Variants in SNRPD3 observed in about 807,000 individuals in gnomAD.
SNRPD3 encodes small nuclear ribonucleoprotein D3 polypeptide.
For missense variants in SNRPD3, 73 were observed against 167.5 expected (o/e 0.44, Z 3.11); for synonymous variants, 66 against 58.4 (o/e 1.13, Z -0.59).
intron 2 of SNRPD3, among the ~76,000 whole-genome samples, chr22:24,560,023 A>C (rs1280160473): frequency 6.6e-6 from 1 of 150,786 alleles, no homozygotes; most frequent in Non-Finnish European, 1.5e-5. Flanking sequence ...TCTTATAAGG[A>C]TACCATGCAT....
chr22:24,565,672 G>T (rs946153155), intron 2 of SNRPD3, among the ~76,000 whole-genome samples: 5 of 151,932 alleles, frequency 3.3e-5, no homozygotes, highest in African/African-American at 1.2e-4. Context: ...TTTGTTTTTT[G>T]TTTTTTGAGA....
At position 24,572,167 on chromosome 22, in the gene SNRPD3, A is replaced by G; in HGVS notation, c.*190A>G. On this transcript the variant is annotated 3_prime_UTR_variant, in exon 4 of 4. Coordinates refer to ENST00000215829, the MANE Select transcript of SNRPD3 (RefSeq NM_004175.5). ...TTTTGTTTTCTTTGAGAAAATAAGG[A>G]CTTTGTGTTCATTTGAAGTTTGCTT... 8.5e-7 allele frequency: 1 copy of G among 1,171,870 alleles called. No homozygotes were observed. The highest frequency in any genetic ancestry group is 1.6e-5 in the African/African-American group (1 of 64,370). 72.6% of individuals were successfully genotyped at this position (1,171,870 alleles called of 1,614,324 possible). A position where few individuals can be genotyped will look rare whatever the true frequency, so the allele number is the denominator to read the frequency against.
At chr22:24,562,500 C>T (rs949916043) in intron 2 of SNRPD3, among the ~76,000 whole-genome samples, 8 of 151,556 alleles carry the variant, frequency 5.3e-5, no homozygotes, top group African/African-American at 9.7e-5. Context: ...GCCAAGATCG[C>T]GCCACTGCAC....
chr22:24,556,019 C>T lies in SNRPD3; in HGVS notation c.-71C>T. The T allele has an allele frequency of 1.6e-6, 1 of 632,238 alleles. No homozygotes were observed. The highest frequency in any genetic ancestry group is 2.7e-6 in the Non-Finnish European group (1 of 364,366). The allele number at this position is 632,238 out of a possible 1,614,324, so 39.2% of individuals were successfully genotyped here. ...CCGCCATTCGCTTGACTCACGCCTT[C>T]GCCGTAGCATCTTTCGCAGCGGACC... On this transcript the variant is annotated 5_prime_UTR_variant, in exon 1 of 4. Transcript: ENST00000215829.
At position 24,568,549 on chromosome 22, in the gene SNRPD3, A is replaced by T. The variant is rs193211466; in HGVS notation, c.319+373A>T. Reference sequence around the variant, plus strand: ...TTATTTTTATTTTTATTTTATTTTTAATTTTTTTTAATTTTTTTATTTTTT... The same window carrying T: ...TTATTTTTATTTTTATTTTATTTTTTATTTTTTTTAATTTTTTTATTTTTT... On this transcript the variant is annotated intron_variant, in intron 3 of 3. Coordinates refer to ENST00000215829, the MANE Select transcript of SNRPD3 (RefSeq NM_004175.5). Among the ~76,000 whole-genome samples the T allele has an allele frequency of 1.1e-3, 157 of 146,556 alleles. 2 individuals are homozygous for T. Among genetic ancestry groups the T allele is most frequent in the African/African-American group, 3.8e-3 (149 of 39,700 alleles).
intron 1 of SNRPD3, among the ~76,000 whole-genome samples, chr22:24,557,454 C>T (rs2045087152): frequency 6.6e-6 from 1 of 151,700 alleles, no homozygotes; most frequent in African/African-American, 2.4e-5. Context: ...ATCATTCCTC[C>T]TCACCCCACA....
At chr22:24,568,553 T>A (rs1392274160) in intron 3 of SNRPD3, among the ~76,000 whole-genome samples, 1 of 151,110 alleles carries the variant, frequency 6.6e-6, no homozygotes, top group Non-Finnish European at 1.5e-5. Context: ...ATTTTTAATT[T>A]TTTTTAATTT....
chr22:24,560,582 C>G (rs1429054764), intron 2 of SNRPD3, among the ~76,000 whole-genome samples: 1 of 149,784 alleles, frequency 6.7e-6, no homozygotes, highest in Non-Finnish European at 1.5e-5. Context: ...GTAGCTGGGA[C>G]TATGCCCAGC....
rs201697520 is a variant in SNRPD3 at position 24,557,638 on chromosome 22, G to A, written c.-18-19G>A. On this transcript the variant is annotated intron_variant, in intron 1 of 3. Coordinates refer to ENST00000215829, the MANE Select transcript of SNRPD3 (RefSeq NM_004175.5). Reference sequence around the variant, plus strand: ...TCAGACTCTGAAAGATGAACTGACTGTTGTCTCTCTCATTGTAGAACTCTC... The same window carrying A: ...TCAGACTCTGAAAGATGAACTGACTATTGTCTCTCTCATTGTAGAACTCTC... 4.4e-5 allele frequency: 71 copies of A among 1,596,876 alleles called. No individual in the cohort carries two copies. The Admixed American group carries it at 1.2e-3, about 27-fold the overall frequency.
rs1485029639 is a variant in SNRPD3 at position 24,573,648 on chromosome 22, G to T, written c.*1671G>T. Among the ~76,000 whole-genome samples, 1 of 152,220 alleles carries T rather than the reference G, an allele frequency of 6.6e-6. No individual in the cohort carries two copies. The highest frequency in any genetic ancestry group is 2.4e-5 in the African/African-American group (1 of 41,458). ...CCAGCACTTTGGGAGGTCGAGGCGG[G>T]AGGATCACTTGAACCTAGGAGTTTG... On this transcript the variant is annotated 3_prime_UTR_variant, in exon 4 of 4. Coordinates refer to ENST00000215829, the MANE Select transcript of SNRPD3 (RefSeq NM_004175.5).
In SNRPD3 at chr22:24,573,301, T is replaced by G. The variant is rs1264510092; in HGVS notation, c.*1324T>G. 6.6e-6 allele frequency among the ~76,000 whole-genome samples: 1 copy of G among 152,006 alleles called. No homozygotes were observed. The highest frequency in any genetic ancestry group is 1.9e-4 in the East Asian group (1 of 5,186). ...GGAAAAGCAGCCTGAAAAAATCAAA[T>G]CACCAAAAAGAGGTCTTGCCAGGTA... is the stretch of plus-strand genomic sequence containing the variant. On this transcript the variant is annotated 3_prime_UTR_variant, in exon 4 of 4. Transcript: ENST00000215829.
upstream of SNRPD3, chr22:24,555,777 C>A: frequency 6.5e-7 from 1 of 1,550,186 alleles, no homozygotes; most frequent in African/African-American, 1.4e-5. Context: ...CCCTCTCTGG[C>A]TCTTTGCCGG....
chr22:24,572,329 G>A lies in SNRPD3; in HGVS notation c.*352G>A. 1.7e-6 allele frequency: 1 copy of A among 588,132 alleles called. No individual in the cohort carries two copies. The highest frequency in any genetic ancestry group is 1.9e-5 in the African/African-American group (1 of 53,824). The allele number at this position is 588,132 out of a possible 1,614,324, so 36.4% of individuals were successfully genotyped here. A position where few individuals can be genotyped will look rare whatever the true frequency, so the allele number is the denominator to read the frequency against. ...CCCCAGAAAAGTTCACCTTGGAGAA[G>A]CTCCGAGAACACACAGATTGTGTCT... On this transcript the variant is annotated 3_prime_UTR_variant, in exon 4 of 4. Transcript: ENST00000215829.
At position 24,574,943 on chromosome 22, in the gene SNRPD3, T is replaced by C. The variant is rs1195369433; in HGVS notation, c.*2966T>C. Among the ~76,000 whole-genome samples the C allele has an allele frequency of 6.6e-6, 1 of 152,198 alleles. No homozygotes were observed. The highest frequency in any genetic ancestry group is 1.5e-5 in the Non-Finnish European group (1 of 68,032). ...TTAGATCATATTCAGTGTCAAATTATTAAGATGTGATTAAACTTTTTAAAA... is the reference window on the plus strand; with the variant it reads ...TTAGATCATATTCAGTGTCAAATTACTAAGATGTGATTAAACTTTTTAAAA... On this transcript the variant is annotated 3_prime_UTR_variant, in exon 4 of 4. Coordinates refer to ENST00000215829, the MANE Select transcript of SNRPD3 (RefSeq NM_004175.5).
chr22:24,567,949 G>C (rs776367128), intron 2 of SNRPD3, 35 bp from the exon 3 acceptor site: 1 of 1,542,934 alleles, frequency 6.5e-7, no homozygotes, highest in South Asian at 1.2e-5. Flanking sequence ...TGGTGCTGTT[G>C]ACCGTTAACT....
chr22:24,562,161 G>A (rs2045149742), intron 2 of SNRPD3, among the ~76,000 whole-genome samples: 1 of 152,178 alleles, frequency 6.6e-6, no homozygotes, highest in Admixed American at 6.5e-5. Flanking sequence ...GCCCTGTTTT[G>A]GGGTTTTAGT....
chr22:24,572,585 A>G lies in SNRPD3; in HGVS notation c.*608A>G. On this transcript the variant is annotated 3_prime_UTR_variant, in exon 4 of 4. Coordinates refer to ENST00000215829, the MANE Select transcript of SNRPD3 (RefSeq NM_004175.5). The stretch of plus-strand genomic sequence containing the variant: ...AGACCAGCCTGGCCAATATGGTGAA[A>G]CCTCGTGTGTACTAAAAATAAAAAA... 5.8e-6 allele frequency: 1 copy of G among 172,090 alleles called. No individual in the cohort carries two copies. The highest frequency in any genetic ancestry group is 1.2e-5 in the Non-Finnish European group (1 of 80,394). 10.7% of individuals were successfully genotyped at this position (172,090 alleles called of 1,614,324 possible). A position where few individuals can be genotyped will look rare whatever the true frequency, so the allele number is the denominator to read the frequency against.
chr22:24,573,452 C>T lies in SNRPD3; in HGVS notation c.*1475C>T, dbSNP rs973872044. Among the ~76,000 whole-genome samples, 3 of 152,212 alleles carry T rather than the reference C, an allele frequency of 2.0e-5. No individual in the cohort carries two copies. Among genetic ancestry groups the T allele is most frequent in the East Asian group, 1.9e-4 (1 of 5,202 alleles). ...AAGAGGAGGGGAAAAAAATCCAGCA[C>T]ATTAGTTAACCTGGCATCAATTAAT... On this transcript the variant is annotated 3_prime_UTR_variant, in exon 4 of 4. Coordinates refer to ENST00000215829, the MANE Select transcript of SNRPD3 (RefSeq NM_004175.5).
chr22:24,555,964 T>G, upstream of SNRPD3: 1 of 850,536 alleles, frequency 1.2e-6, no homozygotes, highest in Middle Eastern at 3.6e-4. Context: ...CGCAGCATTT[T>G]GGGAAAGAGT....
Sources: gnomAD v4.1 joint callset for allele counts (sites outside exome capture counted in the v4.1 genomes callset) on GRCh38, gnomAD v4.1.1 for gene constraint, MANE v1.5 for transcripts, NCBI Gene and HGNC (gene_info 2026-07-23, HGNC 2026-07-21) for gene names.